The following ABCA12 variants were observed in gnomAD, a reference collection of about 807,000 sequenced individuals.
The protein encoded by ABCA12 is ATP binding cassette subfamily A member 12, also known as glucosylceramide transporter ABCA12.
In ABCA12, 156 loss-of-function variants were observed where a neutral mutation model predicts 293.5. The ratio of observed to expected loss-of-function variants is 0.53; its 90% CI spans 0.47 to 0.61. ABCA12 has a LOEUF of 0.61. Ranked by LOEUF, ABCA12 falls within the 20% of genes least tolerant of loss-of-function variation. The pLI is 0.00. For missense variants in ABCA12, 2,797 were observed against 3,090.2 expected (o/e 0.91, Z 2.25); for synonymous variants, 1,063 against 1,108.0 (o/e 0.96, Z 0.81).
At chr2:215,041,041 A>C (rs533157296) in intron 7 of ABCA12, among the ~76,000 whole-genome samples, 25 of 152,262 alleles carry the variant, frequency 1.6e-4, no homozygotes, top group African/African-American at 5.3e-4. Context: ...AAATACAAAA[A>C]ATTTGTTAAG....
chr2:215,005,294 A>C (rs1700228867), intron 19 of ABCA12, among the ~76,000 whole-genome samples: 2 of 152,184 alleles, frequency 1.3e-5, no homozygotes, highest in African/African-American at 4.8e-5. Context: ...TTTTCATCAC[A>C]TGTGTAAATT....
intron 20 of ABCA12, among the ~76,000 whole-genome samples, chr2:215,002,769 A>G (rs1700171412): frequency 6.6e-6 from 1 of 152,232 alleles, no homozygotes; most frequent in South Asian, 2.1e-4. Flanking sequence ...AGACAGGATC[A>G]TAAAAACACT....
intron 23 of ABCA12, among the ~76,000 whole-genome samples, chr2:214,993,101 A>G (rs1699960209): frequency 1.3e-5 from 2 of 152,218 alleles, no homozygotes; most frequent in Admixed American, 1.3e-4. Context: ...AGTTGTTACC[A>G]GGGAAACAGC....
chr2:214,973,702 C>T (rs1344536255), intron 36 of ABCA12, among the ~76,000 whole-genome samples: 2 of 152,102 alleles, frequency 1.3e-5, no homozygotes, highest in African/African-American at 2.4e-5. Context: ...AATTCATTTT[C>T]GGTTGGTTTC....
intron 2 of ABCA12, among the ~76,000 whole-genome samples, chr2:215,091,728 G>A (rs113196527): frequency 0.056 from 8,475 of 152,232 alleles, 759 homozygotes; most frequent in African/African-American, 0.19. Context: ...ATGTAGCAAC[G>A]TATTTCTGAG....
At chr2:215,024,430 C>A (rs1700696230) in intron 11 of ABCA12, among the ~76,000 whole-genome samples, 1 of 152,092 alleles carries the variant, frequency 6.6e-6, no homozygotes, top group South Asian at 2.1e-4. Flanking sequence ...AAGTCATTAT[C>A]CTGGCTGAAA....
intron 1 of ABCA12, among the ~76,000 whole-genome samples, chr2:215,120,649 G>T (rs750394558): frequency 6.6e-6 from 1 of 152,150 alleles, no homozygotes; most frequent in Non-Finnish European, 1.5e-5. Flanking sequence ...CAGAATGACT[G>T]GTACGTTGAG....
intron 1 of ABCA12, among the ~76,000 whole-genome samples, chr2:215,114,546 T>C (rs898012034): frequency 1.1e-4 from 17 of 152,132 alleles, no homozygotes; most frequent in Admixed American, 3.3e-4. Context: ...CCAAGATACA[T>C]AGGAGGCCAG....
intron 2 of ABCA12, among the ~76,000 whole-genome samples, chr2:215,089,878 A>G (rs1486713471): frequency 6.6e-6 from 1 of 152,192 alleles, no homozygotes; most frequent in Admixed American, 6.5e-5. Flanking sequence ...ACTAAGAAGC[A>G]ACTAATAGTT....
intron 6 of ABCA12, among the ~76,000 whole-genome samples, chr2:215,049,245 A>G (rs1274363130): frequency 6.6e-6 from 1 of 152,216 alleles, no homozygotes; most frequent in African/African-American, 2.4e-5. Context: ...GATTTTACCC[A>G]TTATTCTAAA....
At chr2:215,070,647 T>A (rs941921666) in intron 2 of ABCA12, among the ~76,000 whole-genome samples, 5 of 150,866 alleles carry the variant, frequency 3.3e-5, no homozygotes, top group African/African-American at 1.2e-4. Context: ...TGTTTTTTTG[T>A]CCTTGTGATA....
rs1449246700 is a variant in ABCA12 at position 215,071,307 on chromosome 2, C to T, written c.164-7088G>A. 2.6e-5 allele frequency among the ~76,000 whole-genome samples: 4 copies of T among 151,442 alleles called. No individual in the cohort carries two copies. In the East Asian group the frequency reaches 7.8e-4, roughly 29 times the overall value. ...GGAATTTAACATACATCATTTCATA[C>T]AAGCTCCATGACAATTCTGTCAGAT... On this transcript the variant is annotated intron_variant, in intron 2 of 52. Transcript: ENST00000272895.
intron 3 of ABCA12, among the ~76,000 whole-genome samples, chr2:215,063,617 C>T (rs183455063): frequency 1.1e-3 from 150 of 134,192 alleles, no homozygotes; most frequent in Middle Eastern, 7.8e-3. Flanking sequence ...AATTTCAGGA[C>T]GCTTAATTTC....
intron 7 of ABCA12, among the ~76,000 whole-genome samples, chr2:215,039,624 G>A (rs990315263): frequency 1.3e-4 from 19 of 152,000 alleles, no homozygotes; most frequent in African/African-American, 3.1e-4. Context: ...GCGTGGTGGC[G>A]GGCGCCTGTA....
intron 28 of ABCA12, among the ~76,000 whole-genome samples, chr2:214,984,952 C>A (rs937221125): frequency 6.6e-6 from 1 of 152,112 alleles, no homozygotes; most frequent in Non-Finnish European, 1.5e-5. Flanking sequence ...GTAAACTGGG[C>A]AATTATTTAA....
At chr2:215,049,935 G>T in intron 5 of ABCA12, 124 bp from the exon 6 acceptor site, 1 of 812,266 alleles carries the variant, frequency 1.2e-6, no homozygotes. Flanking sequence ...CATTATAGCA[G>T]CTATTAAAAT....
At chr2:215,029,188 C>CT (rs11378720) in intron 9 of ABCA12, 150,583 of 152,338 alleles carry the variant, frequency 0.99, 74,446 homozygotes, top group East Asian at 1. Flanking sequence ...CTGTTCACCC[C>CT]GACCCCATCC....
chr2:214,944,182 G>T (rs1574927714), intron 49 of ABCA12, among the ~76,000 whole-genome samples: 2 of 151,860 alleles, frequency 1.3e-5, no homozygotes, highest in East Asian at 2.0e-4. Context: ...GTAGGCCAAG[G>T]GGGTGTATCA....
rs747590822 is a variant in ABCA12, at chr2:214,953,987, A to G, written c.6514T>C (p.Tyr2172His). The change falls in exon 44 of 53, where the codon TAT (tyrosine) becomes CAT (histidine). Residue 2172 changes from tyrosine to histidine, a missense_variant. Tyr to His is a moderately conservative substitution (Grantham distance 83). Around this residue, in one of 3 missense-constraint regions of ABCA12, gnomAD observed 2,130 missense variants for 2,427.0 expected, o/e 0.88. Transcript: ENST00000272895. ...GTTTCATTTGGGTATTCCACTCCAT[A>G]TGCTTTTAAGAAGTCTAGGACCGAC... ...QQSVLDFLKA[Y>H]GVEYPNETFE... 1 of 1,614,110 alleles carries G rather than the reference A, an allele frequency of 6.2e-7. No homozygotes were observed. The highest frequency in any genetic ancestry group is 1.1e-5 in the South Asian group (1 of 91,082).
Sources: gnomAD v4.1 joint callset for allele counts (sites outside exome capture counted in the v4.1 genomes callset) on GRCh38, gnomAD v4.1.1 for gene constraint, gnomAD v4.1.1 regional missense constraint, MANE v1.5 for transcripts, NCBI Gene and HGNC (gene_info 2026-07-23, HGNC 2026-07-21) for gene names.